Variants in FBXW11 observed in about 807,000 individuals in gnomAD.
The protein encoded by FBXW11 is F-box and WD repeat domain containing 11.
In FBXW11, 19 loss-of-function variants were observed where a neutral mutation model predicts 77.6. The observed-to-expected ratio is 0.24, with a 90% CI of 0.17 to 0.36. The LOEUF is 0.36. Ranked by LOEUF, FBXW11 falls within the 10% of genes least tolerant of loss-of-function variation. The pLI is 1.00. For synonymous variants in FBXW11, 235 were observed against 249.4 expected (o/e 0.94, Z 0.54); for missense variants, 334 against 704.2 (o/e 0.47, Z 5.95).
chr5:171,865,804 G>A (rs976491807), intron 13 of FBXW11, among the ~76,000 whole-genome samples: 12 of 152,134 alleles, frequency 7.9e-5, no homozygotes, highest in Non-Finnish European at 1.2e-4. Context: ...AAACGACTCC[G>A]CAGATAGATC....
At position 171,909,665 on chromosome 5, in the gene FBXW11, A is replaced by G. The variant is rs1282045558; in HGVS notation, c.436+907T>C. Among the ~76,000 whole-genome samples, 6 of 152,176 alleles carry G rather than the reference A, an allele frequency of 3.9e-5. No homozygotes were observed. The East Asian group carries it at 1.2e-3, about 29-fold the overall frequency. On this transcript the variant is annotated intron_variant, in intron 4 of 13. Coordinates refer to ENST00000517395, the MANE Select transcript of FBXW11 (RefSeq NM_001378974.1). ...AAAAATATAAAGTCTACTTTTAAAA[A>G]TCAAAGTAAATTTAACCAGATGTGT...
chr5:171,922,387 C>A (rs758244205), intron 2 of FBXW11, among the ~76,000 whole-genome samples: 11 of 152,190 alleles, frequency 7.2e-5, no homozygotes, highest in Non-Finnish European at 1.5e-4. Flanking sequence ...TTGTTACCTA[C>A]ACGTAGGCCC....
intron 2 of FBXW11, among the ~76,000 whole-genome samples, chr5:171,916,173 G>A (rs1197210250): frequency 6.7e-6 from 1 of 149,280 alleles, no homozygotes; most frequent in Non-Finnish European, 1.5e-5. Context: ...TACCAACATG[G>A]CACATGTATA....
At chr5:171,947,256 A>C (rs995029733) in intron 2 of FBXW11, among the ~76,000 whole-genome samples, 1 of 152,232 alleles carries the variant, frequency 6.6e-6, no homozygotes, top group Admixed American at 6.5e-5. Context: ...TTGAAGAAAA[A>C]ACAAAAGAGT....
chr5:171,976,753 C>T (rs1156441506), intron 1 of FBXW11, among the ~76,000 whole-genome samples: 1 of 152,060 alleles, frequency 6.6e-6, no homozygotes, highest in Non-Finnish European at 1.5e-5. Context: ...AGCTCTAAGA[C>T]ATAAATCTCT....
intron 2 of FBXW11, among the ~76,000 whole-genome samples, chr5:171,951,618 G>T (rs559568060): frequency 5.9e-5 from 9 of 152,126 alleles, no homozygotes; most frequent in Non-Finnish European, 1.2e-4. Flanking sequence ...AGCCTCCCGA[G>T]TAGCTGAGAT....
chr5:171,958,218 G>A (rs558654819), intron 1 of FBXW11, among the ~76,000 whole-genome samples: 1 of 152,198 alleles, frequency 6.6e-6, no homozygotes, highest in African/African-American at 2.4e-5. Context: ...ACACAACAAA[G>A]GAGGGGAGAG....
chr5:172,004,930 C>T (rs1363767506), intron 1 of FBXW11, among the ~76,000 whole-genome samples: 6 of 151,358 alleles, frequency 4.0e-5, no homozygotes, highest in Non-Finnish European at 7.4e-5. Context: ...TCTTTTTTTC[C>T]CTCCTAGTTT....
chr5:171,939,552 A>T (rs1163171406), intron 2 of FBXW11, among the ~76,000 whole-genome samples: 2 of 151,926 alleles, frequency 1.3e-5, no homozygotes, highest in East Asian at 3.9e-4. Context: ...ACAAAAATTA[A>T]CAGGGCATGG....
Position 171,906,946 on chromosome 5 carries a change from G to A in FBXW11, c.436+3626C>T, listed in dbSNP as rs1760567695. ...GGGATAAGACAATTGAATAAACCAG[G>A]GCCAGACAGCCAAGTGTTTCAAAAC... is the stretch of plus-strand genomic sequence containing the variant. On this transcript the variant is annotated intron_variant, in intron 4 of 13. Coordinates refer to ENST00000517395, the MANE Select transcript of FBXW11 (RefSeq NM_001378974.1). 2.6e-5 allele frequency among the ~76,000 whole-genome samples: 4 copies of A among 152,072 alleles called. No homozygotes were observed. In the South Asian group the frequency reaches 8.3e-4, roughly 32 times the overall value.
intron 4 of FBXW11, 47 bp downstream of exon 4, chr5:171,910,525 C>T (rs760410301): frequency 2.2e-5 from 31 of 1,386,542 alleles, no homozygotes; most frequent in South Asian, 1.5e-4. Flanking sequence ...GTCCTTGGGC[C>T]GGGCATTCTT....
At chr5:171,989,966 AAGAG>A (rs909613644) in intron 1 of FBXW11, among the ~76,000 whole-genome samples, 3 of 152,162 alleles carry the variant, frequency 2.0e-5, no homozygotes, top group African/African-American at 7.2e-5. Context: ...GTTTGAGACA[AAGAG>A]AGAGAAACTA....
At chr5:171,897,770 A>AC (rs1432434150) in intron 6 of FBXW11, among the ~76,000 whole-genome samples, 6 of 152,128 alleles carry the variant, frequency 3.9e-5, no homozygotes, top group African/African-American at 1.4e-4. Context: ...TGAAAAAAAA[A>AC]AACAGAGGGT....
intron 1 of FBXW11, among the ~76,000 whole-genome samples, chr5:171,984,875 T>C (rs1424116176): frequency 2.0e-5 from 3 of 152,232 alleles, no homozygotes; most frequent in Non-Finnish European, 4.4e-5. Flanking sequence ...TTGCATATTA[T>C]AAAACTAAGC....
chr5:171,913,807 C>CCACACACACA (rs773692324), intron 3 of FBXW11, among the ~76,000 whole-genome samples: 3 of 97,860 alleles, frequency 3.1e-5, no homozygotes, highest in Non-Finnish European at 4.4e-5. Context: ...AAACCCCCAA[C>CCACACACACA]CACACACACA....
chr5:171,998,224 T>A (rs1213567075), intron 1 of FBXW11, among the ~76,000 whole-genome samples: 3 of 151,934 alleles, frequency 2.0e-5, no homozygotes, highest in Non-Finnish European at 2.9e-5. Flanking sequence ...TCAGCCTACA[T>A]GAATCAGTTG....
chr5:171,874,752 CAAAAAAAAAA>C (rs34775989), intron 9 of FBXW11, among the ~76,000 whole-genome samples: 61 of 38,130 alleles, frequency 1.6e-3, no homozygotes, highest in African/African-American at 4.0e-3. Context: ...CTGGTCTCTA[CAAAAAAAAAA>C]AAAAAAAAAA....
In FBXW11 at chr5:171,911,892, A is replaced by T. The variant is rs563301159; in HGVS notation, c.211-1095T>A. Among the ~76,000 whole-genome samples the T allele has an allele frequency of 2.0e-5, 3 of 152,328 alleles. No individual in the cohort carries two copies. The East Asian group carries it at 5.8e-4, about 29-fold the overall frequency. ...CCCTGTCTAAAAACAAAATAACCTC[A>T]ATACTTTTGTCAAACATTTGTCAAG... On this transcript the variant is annotated intron_variant, in intron 3 of 13. Transcript: ENST00000517395.
chr5:171,879,143 C>T (rs754425932), intron 7 of FBXW11, among the ~76,000 whole-genome samples: 1 of 152,178 alleles, frequency 6.6e-6, no homozygotes, highest in Non-Finnish European at 1.5e-5. Flanking sequence ...TTCCTTTTCT[C>T]GCTTCTTTTA....
Sources: gnomAD v4.1 joint callset for allele counts (sites outside exome capture counted in the v4.1 genomes callset) on GRCh38, gnomAD v4.1.1 for gene constraint, MANE v1.5 for transcripts, NCBI Gene and HGNC (gene_info 2026-07-23, HGNC 2026-07-21) for gene names.